C16orf74: variants seen among roughly 807,000 people sequenced by gnomAD.
The protein encoded by C16orf74 is calcimembrin, also known as uncharacterized protein C16orf74.
Under a neutral mutation model 6.5 loss-of-function variants are expected in C16orf74, and 10 were observed. That is an observed-to-expected ratio of 1.54 (90% CI 0.95 to 2.61). The LOEUF (loss-of-function observed/expected upper bound fraction) is 2.61. Ranked by LOEUF, C16orf74 falls within the 30% of genes most tolerant of loss-of-function variation. The pLI, the probability that C16orf74 is intolerant of heterozygous loss-of-function variation, is 0.00. For synonymous variants in C16orf74, 60 were observed against 42.5 expected, an observed-to-expected ratio of 1.41 and a Z score of -1.60; for missense variants, 141 against 105.9, an observed-to-expected ratio of 1.33 and a Z score of -1.45.
chr16:85,713,958 C>T (rs2053994578), intron 2 of C16orf74, among the ~76,000 whole-genome samples: 1 of 152,204 alleles, frequency 6.6e-6, no homozygotes, highest in African/African-American at 2.4e-5. Context: ...TGAGCCATAA[C>T]CGGGAATCAG....
At chr16:85,718,812 G>T (rs948861473) in intron 2 of C16orf74, among the ~76,000 whole-genome samples, 34 of 152,260 alleles carry the variant, frequency 2.2e-4, no homozygotes, top group Admixed American at 2.2e-3. Context: ...AACTGCAGGT[G>T]TAAGTGTCCT....
intron 1 of C16orf74, among the ~76,000 whole-genome samples, chr16:85,747,565 T>A (rs1381193467): frequency 6.6e-6 from 1 of 152,154 alleles, no homozygotes; most frequent in Non-Finnish European, 1.5e-5. Context: ...GCTGAAGGTC[T>A]CTTTCTTGAC....
chr16:85,739,790 C>A (rs1054829487), intron 1 of C16orf74, among the ~76,000 whole-genome samples: 4 of 151,976 alleles, frequency 2.6e-5, no homozygotes, highest in Admixed American at 1.3e-4. Context: ...CAGAGCAAGA[C>A]CCTGTCTCAA....
intron 1 of C16orf74, among the ~76,000 whole-genome samples, chr16:85,738,545 G>C (rs1332519927): frequency 6.6e-6 from 1 of 151,222 alleles, no homozygotes; most frequent in African/African-American, 2.4e-5. Context: ...TGGCCAGGCT[G>C]GTCTCGAACT....
In C16orf74 at chr16:85,750,952, GGAGCCGCGCCC is replaced by G; in HGVS notation, c.-56_-46del. The G allele has an allele frequency of 6.6e-6, 1 of 151,108 alleles. No individual in the cohort carries two copies. Among genetic ancestry groups the G allele is most frequent in the South Asian group, 2.1e-4 (1 of 4,854 alleles). The allele number at this position is 151,108 out of a possible 1,614,324, so 9.4% of individuals were successfully genotyped here. On this transcript the variant is annotated 5_prime_UTR_variant, in exon 1 of 4. The change abolishes the stop of an existing upstream ORF in the 5' untranslated region. Coordinates refer to ENST00000284245, the MANE Select transcript of C16orf74 (RefSeq NM_206967.3). ...GCTTCCTTCTTGGTGGGCTCACTGC[GGAGCCGCGCCC>G]GAGGCGCGCGAGGCCCGCCCGGGCG...
intron 3 of C16orf74, 114 bp from the exon 4 acceptor site, chr16:85,708,180 G>A (rs2053932301): frequency 3.4e-6 from 3 of 876,830 alleles, no homozygotes; most frequent in South Asian, 3.1e-5. Context: ...TTCTGGTGCT[G>A]CCAGAGGCTG....
At chr16:85,714,755 G>A (rs1280741672) in intron 2 of C16orf74, among the ~76,000 whole-genome samples, 1 of 151,610 alleles carries the variant, frequency 6.6e-6, no homozygotes, top group Non-Finnish European at 1.5e-5. Context: ...GGGTAGTTTT[G>A]AGGGAAGAGG....
intron 2 of C16orf74, among the ~76,000 whole-genome samples, chr16:85,726,821 G>C (rs2054138519): frequency 6.6e-6 from 1 of 152,102 alleles, no homozygotes; most frequent in Non-Finnish European, 1.5e-5. Context: ...CCGGCGTTGT[G>C]GCCCCTCCAG....
intron 2 of C16orf74, among the ~76,000 whole-genome samples, chr16:85,728,474 C>G (rs191559804): frequency 2.0e-5 from 3 of 152,306 alleles, no homozygotes; most frequent in East Asian, 3.9e-4. Flanking sequence ...TTCCCAGGAG[C>G]CTGTATCCAT....
chr16:85,728,363 A>T (rs961792275), intron 2 of C16orf74, among the ~76,000 whole-genome samples: 2 of 152,156 alleles, frequency 1.3e-5, no homozygotes, highest in Non-Finnish European at 2.9e-5. Flanking sequence ...TTAAAAAAAC[A>T]ATGACAAACT....
At chr16:85,741,458 A>T (rs388855) in intron 1 of C16orf74, among the ~76,000 whole-genome samples, 1 of 152,298 alleles carries the variant, frequency 6.6e-6, no homozygotes, top group Admixed American at 6.5e-5. Flanking sequence ...AGCTCCAGCC[A>T]GGATTCAGGT....
At chr16:85,748,944 TTTTA>T (rs1567815881) in intron 1 of C16orf74, among the ~76,000 whole-genome samples, 44 of 83,938 alleles carry the variant, frequency 5.2e-4, no homozygotes, top group Non-Finnish European at 8.4e-4. Flanking sequence ...TTTTTTTTTT[TTTTA>T]TTTTATTTTT....
At chr16:85,744,963 GAA>G (rs367738564) in intron 1 of C16orf74, among the ~76,000 whole-genome samples, 6 of 151,232 alleles carry the variant, frequency 4.0e-5, no homozygotes, top group African/African-American at 1.5e-4. Context: ...CCAACATGCA[GAA>G]AGCCCATCTC....
chr16:85,723,963 G>A (rs1478059524), intron 2 of C16orf74, among the ~76,000 whole-genome samples: 1 of 152,202 alleles, frequency 6.6e-6, no homozygotes, highest in Non-Finnish European at 1.5e-5. Flanking sequence ...GCCATGTCCA[G>A]CAGCTGGTAA....
At chr16:85,735,619 G>C (rs1037870767) in intron 1 of C16orf74, among the ~76,000 whole-genome samples, 2 of 152,028 alleles carry the variant, frequency 1.3e-5, no homozygotes, top group African/African-American at 2.4e-5. Flanking sequence ...GAGATGTGAA[G>C]ACCTGCCAGC....
intron 1 of C16orf74, among the ~76,000 whole-genome samples, chr16:85,744,889 A>C (rs549650928): frequency 1.3e-5 from 2 of 149,988 alleles, no homozygotes; most frequent in East Asian, 2.0e-4. Flanking sequence ...CGCCTGTAAT[A>C]CCATCACTTT....
intron 2 of C16orf74, among the ~76,000 whole-genome samples, chr16:85,732,059 G>A (rs2054194511): frequency 6.6e-6 from 1 of 152,222 alleles, no homozygotes; most frequent in South Asian, 2.1e-4. Flanking sequence ...TAAAGCAAAT[G>A]ACAGTTGTCC....
intron 3 of C16orf74, among the ~76,000 whole-genome samples, chr16:85,708,759 G>C (rs1438820102): frequency 7.9e-5 from 12 of 152,192 alleles, no homozygotes; most frequent in Admixed American, 5.2e-4. Flanking sequence ...CTTTCTCCCA[G>C]TCACTCGCTC....
chr16:85,750,285 C>T (rs2054422375), intron 1 of C16orf74, among the ~76,000 whole-genome samples: 1 of 152,220 alleles, frequency 6.6e-6, no homozygotes, highest in Non-Finnish European at 1.5e-5. Context: ...GAGAGAAGTC[C>T]CAGCCGCCCT....
Sources: allele counts gnomAD v4.1 joint callset (sites outside exome capture counted in the v4.1 genomes callset), GRCh38; gene constraint gnomAD v4.1.1; transcripts MANE v1.5; gene names NCBI Gene and HGNC (gene_info 2026-07-23, HGNC 2026-07-21).